Variants in TLL2 observed in about 807,000 individuals in gnomAD.
TLL2 encodes tolloid like 2, also known as tolloid-like protein 2.
TLL2 carries 106 observed loss-of-function variants against 123.0 expected under a neutral mutation model. That is an observed-to-expected ratio of 0.86 (90% CI 0.74 to 1.01). TLL2 has a LOEUF of 1.01. Ranked by LOEUF, TLL2 falls within the 50% of genes least tolerant of loss-of-function variation. TLL2 has a pLI of 0.00. For missense variants in TLL2, 1,332 were observed against 1,336.7 expected (o/e 1.00, Z 0.06); for synonymous variants, 494 against 516.8 (o/e 0.96, Z 0.60).
chr10:96,472,952 T>C (rs1307962037), intron 2 of TLL2, among the ~76,000 whole-genome samples: 2 of 152,078 alleles, frequency 1.3e-5, no homozygotes, highest in African/African-American at 2.4e-5. Context: ...TAATGCCTGA[T>C]AGCCTTTGGT....
At chr10:96,382,083 T>C (rs1846190779) in intron 16 of TLL2, among the ~76,000 whole-genome samples, 1 of 152,188 alleles carries the variant, frequency 6.6e-6, no homozygotes, top group Non-Finnish European at 1.5e-5. Flanking sequence ...TCTTTTTTTT[T>C]TTGAGACGGC....
At chr10:96,435,277 C>T (rs4919018) in intron 3 of TLL2, among the ~76,000 whole-genome samples, 68,826 of 151,696 alleles carry the variant, frequency 0.45, 17,107 homozygotes, top group East Asian at 0.74. Context: ...GTGATCTGCC[C>T]GCCTCGGCCT....
At position 96,428,673 on chromosome 10, in the gene TLL2, G is replaced by T. The variant is rs566307721; in HGVS notation, c.596C>A (p.Thr199Lys). ...GAATACAATAAAGCTTTCCTCATCC[G>T]TCCTTTCTATGAAGGTCACACAGGT... Reference protein sequence around the residue: ...KHTCVTFIERTDEESFIVFSY... With the variant: ...KHTCVTFIERKDEESFIVFSY... The change falls in exon 5 of 21, where the codon ACG becomes AAG. Residue 199 changes from threonine to lysine, a missense_variant. Physicochemically the swap from Thr to Lys is moderately conservative, Grantham distance 78. Transcript: ENST00000357947. The T allele has an allele frequency of 6.2e-7, 1 of 1,613,956 alleles. No individual in the cohort carries two copies.
intron 2 of TLL2, among the ~76,000 whole-genome samples, chr10:96,459,705 A>AATATATATATATATATATATATATAT (rs59654947): frequency 4.2e-4 from 16 of 38,056 alleles, no homozygotes; most frequent in East Asian, 1.2e-3. Flanking sequence ...AAAAAAAAAA[A>AATATATATATATATATATATATATAT]ATATATATAT....
At chr10:96,461,196 G>A (rs1435863493) in intron 2 of TLL2, among the ~76,000 whole-genome samples, 1 of 152,222 alleles carries the variant, frequency 6.6e-6, no homozygotes, top group Non-Finnish European at 1.5e-5. Flanking sequence ...TTCATTGTGT[G>A]AGCAGTTTAT....
intron 19 of TLL2, among the ~76,000 whole-genome samples, chr10:96,372,183 A>AGTTT (rs1846090689): frequency 6.6e-6 from 1 of 152,196 alleles, no homozygotes; most frequent in Admixed American, 6.5e-5. Context: ...CTCCTCAGGG[A>AGTTT]GTTTGACAGG....
intron 1 of TLL2, among the ~76,000 whole-genome samples, chr10:96,490,844 CCACCTCAGACCTGCT>C (rs1286410415): frequency 6.6e-6 from 1 of 152,122 alleles, no homozygotes; most frequent in Non-Finnish European, 1.5e-5. Flanking sequence ...ATTTCAGAGC[CCACCTCAGACCTGCT>C]CAGTCAAAAT....
rs1589405060 is a variant in TLL2, at chr10:96,376,784, T to G, written c.2356A>C (p.Thr786Pro). 10 of 1,591,092 alleles carry G rather than the reference T, an allele frequency of 6.3e-6. No homozygotes were observed. In the South Asian group the frequency reaches 1.1e-4, roughly 18 times the overall value. Residue 786 changes from threonine (T) to proline (P), a missense_variant, in exon 18 of 21, where the codon ACC becomes CCC. Coordinates refer to ENST00000357947, the MANE Select transcript of TLL2 (RefSeq NM_012465.4). ...CAHKISSVEG[T>P]LASPNWPDKY... ...TCAGGCCAGTTGGGGCTCGCCAGGG[T>G]CCCCTCCACACTGCTGATCTTGTGT...
At chr10:96,492,245 G>A (rs1726343613) in intron 1 of TLL2, among the ~76,000 whole-genome samples, 1 of 151,276 alleles carries the variant, frequency 6.6e-6, no homozygotes. Context: ...AAAAGGCCAT[G>A]AGGGAGGTAG....
At chr10:96,477,285 A>T (rs569105432) in intron 2 of TLL2, among the ~76,000 whole-genome samples, 1 of 152,140 alleles carries the variant, frequency 6.6e-6, no homozygotes, top group Non-Finnish European at 1.5e-5. Flanking sequence ...CTCATTCCTA[A>T]GGCCCCACAT....
rs1846039999 is a variant in TLL2, at chr10:96,367,492, C to T, written c.*596G>A. ...AAATGGCTTTGTGGTCTCCTAACTT[C>T]ATGACAATGATTCTTATACTCGAAA... On this transcript the variant is annotated 3_prime_UTR_variant, in exon 21 of 21. Transcript: ENST00000357947. 1 of 152,592 alleles carries T rather than the reference C, an allele frequency of 6.6e-6. No individual in the cohort carries two copies. Among genetic ancestry groups the T allele is most frequent in the African/African-American group, 2.4e-5 (1 of 41,450 alleles). The allele number at this position is 152,592 out of a possible 1,614,324, so 9.5% of individuals were successfully genotyped here.
At chr10:96,495,908 A>C (rs746213562) in intron 1 of TLL2, among the ~76,000 whole-genome samples, 5 of 152,178 alleles carry the variant, frequency 3.3e-5, no homozygotes, top group Non-Finnish European at 4.4e-5. Context: ...TAAATGTTTT[A>C]ATGGGATCAA....
intron 13 of TLL2, among the ~76,000 whole-genome samples, chr10:96,392,092 G>A (rs1311775333): frequency 1.3e-5 from 2 of 152,062 alleles, no homozygotes; most frequent in South Asian, 2.1e-4. Context: ...TGCTTTCCTC[G>A]GCGTCTCCAG....
intron 2 of TLL2, among the ~76,000 whole-genome samples, chr10:96,452,139 G>T (rs1182027279): frequency 6.6e-6 from 1 of 152,224 alleles, no homozygotes; most frequent in Non-Finnish European, 1.5e-5. Context: ...TGATGGAGGG[G>T]ATGGAAATTA....
intron 9 of TLL2, among the ~76,000 whole-genome samples, chr10:96,405,964 G>A (rs1846445596): frequency 6.6e-6 from 1 of 152,194 alleles, no homozygotes; most frequent in Admixed American, 6.5e-5. Flanking sequence ...AGAGAAGGGG[G>A]GAAAGGCAGA....
chr10:96,420,176 C>G (rs1846605150), intron 7 of TLL2, among the ~76,000 whole-genome samples: 3 of 152,244 alleles, frequency 2.0e-5, no homozygotes, highest in Middle Eastern at 3.4e-3. Context: ...AGAGAAAGTA[C>G]CAAGAGAGAA....
chr10:96,485,810 C>A (rs928931872), intron 1 of TLL2, among the ~76,000 whole-genome samples: 2 of 152,164 alleles, frequency 1.3e-5, no homozygotes, highest in African/African-American at 4.8e-5. Context: ...CGGCTGCCTG[C>A]GCTGAGCCCT....
intron 13 of TLL2, among the ~76,000 whole-genome samples, chr10:96,390,895 GT>G (rs1846281297): frequency 6.6e-6 from 1 of 152,200 alleles, no homozygotes; most frequent in Non-Finnish European, 1.5e-5. Context: ...CCAAGACTTA[GT>G]GTGAAAAACA....
In TLL2 at chr10:96,365,801, T is replaced by A. The variant is rs1394347097; in HGVS notation, c.*2287A>T. ...GCTGAATCAGAGCTTCTCTTTTCTG[T>A]GGATACGTCACACAGAAGGCCTAAA... On this transcript the variant is annotated 3_prime_UTR_variant, in exon 21 of 21. Transcript: ENST00000357947. 6.6e-6 allele frequency: 1 copy of A among 152,244 alleles called. No homozygotes were observed. The highest frequency in any genetic ancestry group is 1.5e-5 in the Non-Finnish European group (1 of 68,052). The allele number at this position is 152,244 out of a possible 1,614,324, so 9.4% of individuals were successfully genotyped here.
Sources: gnomAD v4.1 joint callset for allele counts (sites outside exome capture counted in the v4.1 genomes callset) on GRCh38, gnomAD v4.1.1 for gene constraint, MANE v1.5 for transcripts, NCBI Gene and HGNC (gene_info 2026-07-23, HGNC 2026-07-21) for gene names.